Variants in BSN observed in about 807,000 individuals in gnomAD.
BSN encodes the protein protein bassoon.
Under a neutral mutation model 264.8 loss-of-function variants are expected in BSN, and 57 were observed. The ratio of observed to expected loss-of-function variants is 0.22; its 90% CI spans 0.17 to 0.27. The LOEUF (loss-of-function observed/expected upper bound fraction) is 0.27. BSN is among the 10% of genes least tolerant of loss of function. The pLI is 1.00. For missense variants in BSN, 4,615 were observed against 5,232.5 expected, an observed-to-expected ratio of 0.88 and a Z score of 3.64; for synonymous variants, 2,059 against 2,137.3, an observed-to-expected ratio of 0.96 and a Z score of 1.01.
intron 1 of BSN, among the ~76,000 whole-genome samples, chr3:49,562,175 CCTA>C (rs1246904703): frequency 6.6e-6 from 1 of 152,162 alleles, no homozygotes; most frequent in Non-Finnish European, 1.5e-5. Flanking sequence ...CCTTCTACCT[CCTA>C]CTGTGTCACC....
Position 49,664,452 on chromosome 3 carries a change from A to T in BSN, c.11638A>T (p.Thr3880Ser). The part of the protein sequence containing the change: ...GVKAGARPGG[T>S]PGAPAGQPGA... ...GAAGGCTGGAGCCAGGCCTGGAGGAACCCCAGGGGCTCCCGCCGGCCAGCC... is the reference window on the plus strand; with the variant it reads ...GAAGGCTGGAGCCAGGCCTGGAGGATCCCCAGGGGCTCCCGCCGGCCAGCC... The change falls in exon 9 of 12, where the codon ACC (threonine) becomes TCC (serine). Residue 3880 changes from threonine (T) to serine (S), a missense_variant. Thr to Ser is a moderately conservative substitution (Grantham distance 58). Around this residue, in one of 3 missense-constraint regions of BSN, gnomAD observed 3,415 missense variants for 3,866.4 expected, o/e 0.88. Transcript: ENST00000296452. 1 of 1,612,976 alleles carries T rather than the reference A, an allele frequency of 6.2e-7. No homozygotes were observed. Among genetic ancestry groups the T allele is most frequent in the African/African-American group, 1.3e-5 (1 of 74,800 alleles).
intron 1 of BSN, among the ~76,000 whole-genome samples, chr3:49,567,585 G>A (rs2051762233): frequency 6.6e-6 from 1 of 152,172 alleles, no homozygotes; most frequent in South Asian, 2.1e-4. Context: ...ACAAGAGGGT[G>A]TGCCTAACCT....
intron 2 of BSN, among the ~76,000 whole-genome samples, chr3:49,635,689 A>T (rs1227401667): frequency 1.3e-5 from 2 of 152,142 alleles, no homozygotes; most frequent in African/African-American, 4.8e-5. Flanking sequence ...AGTACATTGC[A>T]GTGGGCCAGG....
At chr3:49,613,017 C>T (rs2052220212) in intron 1 of BSN, among the ~76,000 whole-genome samples, 1 of 152,086 alleles carries the variant, frequency 6.6e-6, no homozygotes, top group African/African-American at 2.4e-5. Context: ...CCTATAATCC[C>T]AGCTACTTGG....
At chr3:49,620,900 C>T (rs900517236) in intron 1 of BSN, among the ~76,000 whole-genome samples, 8 of 152,168 alleles carry the variant, frequency 5.3e-5, no homozygotes, top group African/African-American at 1.4e-4. Context: ...GAGATTGCAT[C>T]ACTGCGCTCC....
chr3:49,561,304 G>A (rs145403778), intron 1 of BSN, among the ~76,000 whole-genome samples: 2 of 152,322 alleles, frequency 1.3e-5, no homozygotes, highest in East Asian at 3.9e-4. Flanking sequence ...AGATCCAAGA[G>A]CCTCAGCAGC....
At chr3:49,629,339 G>A (rs1243288519) in intron 2 of BSN, among the ~76,000 whole-genome samples, 5 of 152,214 alleles carry the variant, frequency 3.3e-5, no homozygotes, top group East Asian at 1.9e-4. Flanking sequence ...AGGGTGGCCC[G>A]TGTTGCCCTT....
intron 5 of BSN, among the ~76,000 whole-genome samples, chr3:49,659,071 C>T (rs1274122969): frequency 1.3e-5 from 2 of 152,152 alleles, no homozygotes; most frequent in African/African-American, 2.4e-5. Flanking sequence ...AGGAAGAGAC[C>T]TGGCAGAGGA....
chr3:49,561,869 G>T (rs562265729), intron 1 of BSN, among the ~76,000 whole-genome samples: 1 of 151,824 alleles, frequency 6.6e-6, no homozygotes, highest in African/African-American at 2.4e-5. Flanking sequence ...GTGCAGTGGC[G>T]TGATCTCAGC....
At chr3:49,612,972 A>G (rs2052219679) in intron 1 of BSN, among the ~76,000 whole-genome samples, 1 of 152,126 alleles carries the variant, frequency 6.6e-6, no homozygotes, top group African/African-American at 2.4e-5. Flanking sequence ...GTCTCTACTA[A>G]AAATACAAAA....
At chr3:49,569,190 T>A (rs912993503) in intron 1 of BSN, among the ~76,000 whole-genome samples, 1 of 152,020 alleles carries the variant, frequency 6.6e-6, no homozygotes, top group Admixed American at 6.6e-5. Flanking sequence ...CCAAGTGAGA[T>A]GTTAGGTAGG....
chr3:49,619,392 C>T lies in BSN; in HGVS notation c.225-5583C>T, dbSNP rs1174361907. 9.9e-5 allele frequency among the ~76,000 whole-genome samples: 15 copies of T among 152,182 alleles called. 1 individual carries two copies. The highest frequency in any genetic ancestry group is 9.8e-4 in the Admixed American group (15 of 15,286). ...TTCAGAAAAAATAATCCAAAGAACC[C>T]AAACTGCAATGCTTTCTACCCCCTC... is the stretch of plus-strand genomic sequence containing the variant. On this transcript the variant is annotated intron_variant, in intron 1 of 11. Coordinates refer to ENST00000296452, the MANE Select transcript of BSN (RefSeq NM_003458.4).
chr3:49,660,517 G>T lies in BSN; in HGVS notation c.8672G>T (p.Arg2891Leu), dbSNP rs765002253. ...VSALPPNSLV[R>L]KVKRTLPSPP... is the part of the protein sequence containing the mutation. ...GCGTTGCCACCCAACAGCCTGGTCCGCAAGGTGAAGCGGACACTGCCCAGC... is the reference window on the plus strand; with the variant it reads ...GCGTTGCCACCCAACAGCCTGGTCCTCAAGGTGAAGCGGACACTGCCCAGC... Residue 2891 changes from arginine to leucine, a missense_variant, in exon 6 of 12, where the codon CGC becomes CTC. Coordinates refer to ENST00000296452, the MANE Select transcript of BSN (RefSeq NM_003458.4). The surrounding 1 kb of genome is among the most constrained non-coding windows in gnomAD (Gnocchi z 7.1). 6.5e-7 allele frequency: 1 copy of T among 1,542,742 alleles called. No individual in the cohort carries two copies. Among genetic ancestry groups the T allele is most frequent in the Admixed American group, 2.0e-5 (1 of 50,578 alleles).
In BSN at chr3:49,652,630, C is replaced by T. The variant is rs746174601; in HGVS notation, c.3074C>T (p.Ala1025Val). Residue 1025 changes from alanine to valine, a missense_variant, in exon 5 of 12, where the codon GCC becomes GTC. Ala to Val is a moderately conservative substitution (Grantham distance 64). Transcript: ENST00000296452. ...RLEEAKQQRK[A>V]RHRSHGPLLP... ...GAAGAAGCAAAGCAGCAGCGCAAGGCCCGGCACCGCTCCCACGGGCCCCTG... is the reference window on the plus strand; with the variant it reads ...GAAGAAGCAAAGCAGCAGCGCAAGGTCCGGCACCGCTCCCACGGGCCCCTG... 1.2e-6 allele frequency: 2 copies of T among 1,611,838 alleles called. No homozygotes were observed. The highest frequency in any genetic ancestry group is 1.7e-6 in the Non-Finnish European group (2 of 1,178,986).
In BSN at chr3:49,638,354, C is replaced by T. The variant is rs961488620; in HGVS notation, c.634-3914C>T. On this transcript the variant is annotated intron_variant, in intron 2 of 11. Coordinates refer to ENST00000296452, the MANE Select transcript of BSN (RefSeq NM_003458.4). The surrounding 1 kb of genome is among the most constrained non-coding windows in gnomAD (Gnocchi z 4.3). The stretch of plus-strand genomic sequence containing the variant: ...ACAGCCATCATCTCTCTCCCTACCC[C>T]GTGGACAGCCTCCATCCCCCTGAGT... 1.3e-5 allele frequency among the ~76,000 whole-genome samples: 2 copies of T among 152,208 alleles called. No homozygotes were observed. Among genetic ancestry groups the T allele is most frequent in the African/African-American group, 2.4e-5 (1 of 41,444 alleles).
At position 49,653,949 on chromosome 3, in the gene BSN, C is replaced by G. The variant is rs1425356568; in HGVS notation, c.4393C>G (p.Gln1465Glu). ...SASDGEGGTP[Q>E]PSRAYSYFAS... is the part of the protein sequence containing the mutation. ...GAGTGACGGTGAGGGTGGCACTCCT[C>G]AGCCTTCCCGGGCATATTCCTACTT... Residue 1465 changes from glutamine to glutamate, a missense_variant, in exon 5 of 12, where the codon CAG becomes GAG. Physicochemically the swap from Gln to Glu is conservative, Grantham distance 29 (BLOSUM62 2). Around this residue, in one of 3 missense-constraint regions of BSN, gnomAD observed 3,415 missense variants for 3,866.4 expected, o/e 0.88. Transcript: ENST00000296452. The surrounding 1 kb of genome is among the most constrained non-coding windows in gnomAD (Gnocchi z 6.3). 1 of 1,614,152 alleles carries G rather than the reference C, an allele frequency of 6.2e-7. No individual in the cohort carries two copies. The highest frequency in any genetic ancestry group is 8.5e-7 in the Non-Finnish European group (1 of 1,180,030).
chr3:49,662,978 C>T lies in BSN; in HGVS notation c.10820C>T (p.Ser3607Phe). ...GGGGGCCATGCAGTTTCCTCCTCCT[C>T]CCAGAAGCGAGGCCCTGCCAGGCAC... Reference protein sequence around the residue: ...HHGGHAVSSSSQKRGPARHSY... With the variant: ...HHGGHAVSSSFQKRGPARHSY... Residue 3607 changes from serine to phenylalanine, a missense_variant, in exon 7 of 12, where the codon TCC becomes TTC. Around this residue, in one of 3 missense-constraint regions of BSN, gnomAD observed 3,415 missense variants for 3,866.4 expected, o/e 0.88. Coordinates refer to ENST00000296452, the MANE Select transcript of BSN (RefSeq NM_003458.4). 1 of 1,614,162 alleles carries T rather than the reference C, an allele frequency of 6.2e-7. No homozygotes were observed. The highest frequency in any genetic ancestry group is 1.6e-4 in the Middle Eastern group (1 of 6,062).
chr3:49,616,735 C>T (rs1455373188), intron 1 of BSN, among the ~76,000 whole-genome samples: 2 of 152,194 alleles, frequency 1.3e-5, no homozygotes, highest in African/African-American at 4.8e-5. Context: ...AGCCACATCT[C>T]TCCTGGTGGT....
rs1263479036 is a variant in BSN, at chr3:49,654,619, C to G, written c.5063C>G (p.Ser1688Cys). The G allele has an allele frequency of 6.2e-7, 1 of 1,613,930 alleles. No homozygotes were observed. The highest frequency in any genetic ancestry group is 1.3e-5 in the African/African-American group (1 of 74,938). The change falls in exon 5 of 12, where the codon TCT becomes TGT. Residue 1688 changes from serine (S) to cysteine (C), a missense_variant. Physicochemically the swap from Ser to Cys is moderately radical, Grantham distance 112. This residue lies in a region of BSN where 3,415 missense variants were observed against 3,866.4 expected (regional missense o/e 0.88). Transcript: ENST00000296452. The surrounding 1 kb of genome is among the most constrained non-coding windows in gnomAD (Gnocchi z 4.1). ...ILTDQGMDLT[S>C]LAVEARKYGL... is the part of the protein sequence containing the mutation. ...ACTGACCAGGGCATGGACCTCACCTCTCTTGCTGTGGAAGCGAGGAAGTAT... is the reference window on the plus strand; with the variant it reads ...ACTGACCAGGGCATGGACCTCACCTGTCTTGCTGTGGAAGCGAGGAAGTAT...
Sources: gnomAD v4.1 joint callset for allele counts (sites outside exome capture counted in the v4.1 genomes callset) on GRCh38, gnomAD v4.1.1 for gene constraint, gnomAD v4.1.1 regional missense constraint, Gnocchi (gnomAD v3.1) non-coding constraint, MANE v1.5 for transcripts, NCBI Gene and HGNC (gene_info 2026-07-23, HGNC 2026-07-21) for gene names.